DNAJC13: variants seen among roughly 807,000 people sequenced by gnomAD.
The protein encoded by DNAJC13 is dnaJ homolog subfamily C member 13.
Under a neutral mutation model 290.5 loss-of-function variants are expected in DNAJC13, and 75 were observed. The observed-to-expected ratio is 0.26, with a 90% confidence interval of 0.21 to 0.31. The LOEUF (loss-of-function observed/expected upper bound fraction) is 0.31. DNAJC13 is among the 10% of genes least tolerant of loss of function. The probability of loss-of-function intolerance (pLI) is 1.00; values close to 1 mark genes in which losing one functional copy is unlikely to be tolerated. For missense variants in DNAJC13, 2,260 were observed against 2,674.5 expected (o/e 0.85, Z 3.42); for synonymous variants, 862 against 892.0 (o/e 0.97, Z 0.60).
chr3:132,453,757 C>A lies in DNAJC13; in HGVS notation c.840+63C>A, dbSNP rs1027206185. The A allele has an allele frequency of 1.8e-5, 26 of 1,408,192 alleles. No individual in the cohort carries two copies. The African/African-American group carries it at 3.2e-4, about 17-fold the overall frequency. 87.2% of individuals were successfully genotyped at this position (1,408,192 alleles called of 1,614,324 possible). A position where few individuals can be genotyped will look rare whatever the true frequency, so the allele number is the denominator to read the frequency against. On this transcript the variant is annotated intron_variant, in intron 8 of 55. Coordinates refer to ENST00000260818, the MANE Select transcript of DNAJC13 (RefSeq NM_015268.4). ...TCTATTGATAAATTAGGATAATTTT[C>A]TTTCTATTTTAATGTTTACTCATGG...
chr3:132,454,021 C>G lies in DNAJC13; in HGVS notation c.841-45C>G, dbSNP rs139147920. 2.0e-5 allele frequency: 28 copies of G among 1,417,386 alleles called. No homozygotes were observed. In the African/African-American group the frequency reaches 4.1e-4, roughly 21 times the overall value. 87.8% of individuals were successfully genotyped at this position (1,417,386 alleles called of 1,614,324 possible). A position where few individuals can be genotyped will look rare whatever the true frequency, so the allele number is the denominator to read the frequency against. Reference sequence around the variant, plus strand: ...CATTTTATAATGAAATACTATAAAACTATAAACTTTTTTTTGTTGAAGCTA... The same window carrying G: ...CATTTTATAATGAAATACTATAAAAGTATAAACTTTTTTTTGTTGAAGCTA... On this transcript the variant is annotated intron_variant, in intron 8 of 55. Coordinates refer to ENST00000260818, the MANE Select transcript of DNAJC13 (RefSeq NM_015268.4).
At chr3:132,472,453 AAAGAT>A in intron 20 of DNAJC13, 1 of 632,540 alleles carries the variant, frequency 1.6e-6, no homozygotes, top group East Asian at 1.4e-4. Context: ...GTCTTAAAGT[AAAGAT>A]AATTTTGTAT....
intron 8 of DNAJC13, 124 bp downstream of exon 8, chr3:132,453,818 C>CCTG: frequency 1.2e-6 from 1 of 825,106 alleles, no homozygotes; most frequent in South Asian, 1.8e-5. Context: ...CTGTATTTAA[C>CCTG]TCTTAACATA....
chr3:132,432,969 T>C (rs1281326987), intron 1 of DNAJC13, among the ~76,000 whole-genome samples: 1 of 152,242 alleles, frequency 6.6e-6, no homozygotes, highest in Non-Finnish European at 1.5e-5. Flanking sequence ...ATGCTTTGAG[T>C]GGCACTGTTC....
Position 132,494,192 on chromosome 3 carries a change from A to G in DNAJC13, c.3874A>G (p.Lys1292Glu), listed in dbSNP as rs1361519411. 2 of 1,613,120 alleles carry G rather than the reference A, an allele frequency of 1.2e-6. No individual in the cohort carries two copies. The highest frequency in any genetic ancestry group is 8.5e-7 in the Non-Finnish European group (1 of 1,179,574). ...TGATGCCTGGAAGAAAGAAGTAGAA[A>G]AGAAGCCACCTATGATGTCAATAGA... is the stretch of plus-strand genomic sequence containing the variant. ...TLDAWKKEVE[K>E]KPPMMSIDDA... The change falls in exon 34 of 56, where the codon AAG becomes GAG. Residue 1292 changes from lysine (K) to glutamate (E), a missense_variant. This residue lies in a region of DNAJC13 where 1,494 missense variants were observed against 1,693.7 expected (regional missense o/e 0.88). Coordinates refer to ENST00000260818, the MANE Select transcript of DNAJC13 (RefSeq NM_015268.4).
In DNAJC13 at chr3:132,492,317, A is replaced by T. The variant is rs569996628; in HGVS notation, c.3624-97A>T. ...TAGGATAATCATTGAGTTATTCTAT[A>T]GATGATTCATGTAACTATCTTACAT... On this transcript the variant is annotated intron_variant, in intron 32 of 55. Coordinates refer to ENST00000260818, the MANE Select transcript of DNAJC13 (RefSeq NM_015268.4). 210 of 1,217,958 alleles carry T rather than the reference A, an allele frequency of 1.7e-4. 4 individuals are homozygous for T. The South Asian group carries it at 2.8e-3, about 16-fold the overall frequency. The allele number at this position is 1,217,958 out of a possible 1,614,324, so 75.4% of individuals were successfully genotyped here.
At chr3:132,514,076 G>A (rs1009345066) in intron 45 of DNAJC13, among the ~76,000 whole-genome samples, 1 of 152,056 alleles carries the variant, frequency 6.6e-6, no homozygotes, top group African/African-American at 2.4e-5. Context: ...TTAAATAAAC[G>A]TCATTAAATG....
chr3:132,493,596 G>T (rs950043998), intron 33 of DNAJC13, among the ~76,000 whole-genome samples: 5 of 152,042 alleles, frequency 3.3e-5, no homozygotes, highest in African/African-American at 1.2e-4. Context: ...TGGCACATAG[G>T]CAGGCAATAA....
At chr3:132,505,163 ATT>A (rs1935544057) in intron 41 of DNAJC13, 137 bp from the exon 42 acceptor site, 1 of 561,652 alleles carries the variant, frequency 1.8e-6, no homozygotes, top group Admixed American at 3.6e-5. Flanking sequence ...TGTTAGAATT[ATT>A]GAGATACTTA....
intron 55 of DNAJC13, 98 bp downstream of exon 55, chr3:132,531,195 T>C (rs1394240719): frequency 2.0e-6 from 2 of 1,017,042 alleles, no homozygotes; most frequent in Non-Finnish European, 3.0e-6. Flanking sequence ...TCAGAGTGTT[T>C]CTTAGGCTAC....
intron 6 of DNAJC13, 29 bp downstream of exon 6, chr3:132,450,876 C>T: frequency 1.6e-6 from 2 of 1,253,576 alleles, no homozygotes; most frequent in South Asian, 1.5e-5. Context: ...AAAAAAAACA[C>T]TTTAAAAGGG....
chr3:132,530,491 T>C (rs1936386192), intron 54 of DNAJC13, among the ~76,000 whole-genome samples: 1 of 152,262 alleles, frequency 6.6e-6, no homozygotes, highest in Admixed American at 6.5e-5. Flanking sequence ...ATTTTACTTC[T>C]GATACTCTGA....
chr3:132,511,388 T>C (rs1935776161), intron 44 of DNAJC13, 144 bp downstream of exon 44: 2 of 992,396 alleles, frequency 2.0e-6, no homozygotes, highest in African/African-American at 3.3e-5. Context: ...ATTGACCCTG[T>C]AATAGTTTTA....
intron 48 of DNAJC13, among the ~76,000 whole-genome samples, chr3:132,517,239 A>G (rs1242698718): frequency 6.6e-6 from 1 of 152,204 alleles, no homozygotes; most frequent in Non-Finnish European, 1.5e-5. Flanking sequence ...GAATTCATAT[A>G]GGGGCATGAG....
intron 1 of DNAJC13, among the ~76,000 whole-genome samples, chr3:132,423,320 A>G (rs1032315833): frequency 2.0e-5 from 3 of 152,190 alleles, no homozygotes; most frequent in Non-Finnish European, 4.4e-5. Flanking sequence ...TGCCAGCTCT[A>G]GTTGCCACAA....
chr3:132,474,952 G>A lies in DNAJC13; in HGVS notation c.2312G>A (p.Arg771Lys). 1 of 1,605,894 alleles carries A rather than the reference G, an allele frequency of 6.2e-7. No individual in the cohort carries two copies. Among genetic ancestry groups the A allele is most frequent in the Non-Finnish European group, 8.5e-7 (1 of 1,176,134 alleles). The change falls in exon 22 of 56, where the codon AGG becomes AAG. Residue 771 changes from arginine (R) to lysine (K), a missense_variant. Arg to Lys is a conservative substitution (Grantham distance 26). Coordinates refer to ENST00000260818, the MANE Select transcript of DNAJC13 (RefSeq NM_015268.4). ...FYYRFGQDHA[R>K]SNLIWNFKTR... ...TCTAGGTTTGGTCAAGACCATGCCAGGTCAAACCTTATTTGGAATTTCAAA... is the reference window on the plus strand; with the variant it reads ...TCTAGGTTTGGTCAAGACCATGCCAAGTCAAACCTTATTTGGAATTTCAAA...
chr3:132,447,799 T>C, intron 4 of DNAJC13, 99 bp from the exon 5 acceptor site: 1 of 924,502 alleles, frequency 1.1e-6, no homozygotes, highest in Non-Finnish European at 1.7e-6. Context: ...GTGTCCAGGT[T>C]ACCAAGTCAG....
chr3:132,525,460 C>T (rs773893182), intron 51 of DNAJC13, 150 bp from the exon 52 acceptor site: 65 of 690,478 alleles, frequency 9.4e-5, no homozygotes, highest in South Asian at 1.6e-4. Context: ...ATGGGAAGTT[C>T]GTTGTTCTCT....
intron 7 of DNAJC13, 37 bp from the exon 8 acceptor site, chr3:132,453,562 A>G (rs773709434): frequency 1.4e-5 from 22 of 1,608,658 alleles, no homozygotes; most frequent in Admixed American, 3.4e-5. Flanking sequence ...GTTTTAAAAA[A>G]TAACTTCTTA....
Sources: gnomAD v4.1 joint callset for allele counts (sites outside exome capture counted in the v4.1 genomes callset) on GRCh38, gnomAD v4.1.1 for gene constraint, gnomAD v4.1.1 regional missense constraint, MANE v1.5 for transcripts, NCBI Gene and HGNC (gene_info 2026-07-23, HGNC 2026-07-21) for gene names.